The following BICD1 variants were observed in gnomAD, a reference collection of about 807,000 sequenced individuals.
The protein encoded by BICD1 is protein bicaudal D homolog 1.
A neutral mutation model predicts 92.5 loss-of-function variants in BICD1; 35 were observed. The ratio of observed to expected loss-of-function variants is 0.38; its 90% CI spans 0.29 to 0.50. The LOEUF (loss-of-function observed/expected upper bound fraction) is 0.50. Ranked by LOEUF, BICD1 falls within the 20% of genes least tolerant of loss-of-function variation. The pLI is 0.93. For synonymous variants in BICD1, 429 were observed against 465.1 expected (o/e 0.92, Z 1.00); for missense variants, 950 against 1,189.8 (o/e 0.80, Z 2.97).
rs1940120018 is a variant in BICD1 at position 32,379,765 on chromosome 12, T to G, written c.*2138T>G. 6.6e-6 allele frequency: 1 copy of G among 152,212 alleles called. No individual in the cohort carries two copies. Among genetic ancestry groups the G allele is most frequent in the South Asian group, 2.1e-4 (1 of 4,832 alleles). The allele number at this position is 152,212 out of a possible 1,614,324, so 9.4% of individuals were successfully genotyped here. ...AAACTGTTTGTGCCTGAGGGAAATA[T>G]ATGCCTTTTTAAAAAGTACCTCAGA... On this transcript the variant is annotated 3_prime_UTR_variant, in exon 10 of 10. Transcript: ENST00000652176.
chr12:32,372,048 A>G (rs1334520000), intron 9 of BICD1, among the ~76,000 whole-genome samples: 6 of 152,254 alleles, frequency 3.9e-5, no homozygotes, highest in African/African-American at 1.4e-4. Context: ...TGTGAGGAGC[A>G]AAGTCAGAGT....
chr12:32,114,017 G>T (rs1941798928), intron 1 of BICD1, among the ~76,000 whole-genome samples: 1 of 151,776 alleles, frequency 6.6e-6, no homozygotes, highest in African/African-American at 2.4e-5. Flanking sequence ...TTATAGGCGC[G>T]CGCCACCACG....
intron 1 of BICD1, among the ~76,000 whole-genome samples, chr12:32,112,380 C>A (rs1941730964): frequency 6.6e-6 from 1 of 152,178 alleles, no homozygotes; most frequent in South Asian, 2.1e-4. Flanking sequence ...AAGAATTTAT[C>A]ATCTTTTATC....
chr12:32,203,017 T>C (rs1409634706), intron 1 of BICD1, among the ~76,000 whole-genome samples: 1 of 152,084 alleles, frequency 6.6e-6, no homozygotes, highest in Non-Finnish European at 1.5e-5. Context: ...TAGTGGGACA[T>C]TATAGGATAG....
intron 2 of BICD1, among the ~76,000 whole-genome samples, chr12:32,248,641 G>T (rs1389038964): frequency 6.6e-6 from 1 of 152,198 alleles, no homozygotes; most frequent in Non-Finnish European, 1.5e-5. Flanking sequence ...TTAGAAGAGG[G>T]TGGGGAGAAC....
intron 4 of BICD1, among the ~76,000 whole-genome samples, chr12:32,310,942 G>A (rs1948357285): frequency 6.6e-6 from 1 of 152,080 alleles, no homozygotes; most frequent in East Asian, 1.9e-4. Flanking sequence ...CTCCTACAAG[G>A]CTCAATGTAT....
chr12:32,122,910 T>A (rs1054504672), intron 1 of BICD1, among the ~76,000 whole-genome samples: 2 of 152,204 alleles, frequency 1.3e-5, no homozygotes, highest in African/African-American at 2.4e-5. Context: ...AGCAGATAGG[T>A]CATTGTATAA....
chr12:32,321,136 G>A (rs1326952969), intron 4 of BICD1, among the ~76,000 whole-genome samples: 7 of 152,036 alleles, frequency 4.6e-5, no homozygotes, highest in African/African-American at 7.3e-5. Flanking sequence ...GATGAGCCTG[G>A]TCAACATGGT....
chr12:32,340,194 TA>T, intron 8 of BICD1: 1 of 985,430 alleles, frequency 1.0e-6, no homozygotes, highest in South Asian at 4.7e-5. Flanking sequence ...TGATTGGGAT[TA>T]AAAGATGTGG....
At chr12:32,346,169 C>T (rs1323846412) in intron 8 of BICD1, among the ~76,000 whole-genome samples, 3 of 150,168 alleles carry the variant, frequency 2.0e-5, no homozygotes, top group African/African-American at 7.5e-5. Context: ...TAAAAAGAAA[C>T]AAGTGAACTT....
chr12:32,302,794 C>CTAAATAATGGATATTA (rs1350690622), intron 3 of BICD1, among the ~76,000 whole-genome samples: 2 of 148,314 alleles, frequency 1.3e-5, no homozygotes, highest in African/African-American at 4.9e-5. Context: ...AGTTTTCATT[C>CTAAATAATGGATATTA]TAAATAATGG....
intron 1 of BICD1, among the ~76,000 whole-genome samples, chr12:32,205,089 GA>G (rs1477368891): frequency 6.6e-6 from 1 of 152,148 alleles, no homozygotes; most frequent in Non-Finnish European, 1.5e-5. Context: ...ATTTAAGAAT[GA>G]AATAAAACTT....
intron 1 of BICD1, among the ~76,000 whole-genome samples, chr12:32,160,421 T>G (rs192476219): frequency 6.6e-6 from 1 of 152,334 alleles, no homozygotes; most frequent in Admixed American, 6.5e-5. Context: ...TTAGAAATAT[T>G]TCCACAAATA....
chr12:32,257,855 A>G (rs887897887), intron 2 of BICD1, among the ~76,000 whole-genome samples: 1 of 152,214 alleles, frequency 6.6e-6, no homozygotes, highest in Non-Finnish European at 1.5e-5. Flanking sequence ...TTCTCAATAT[A>G]TATAATATAT....
chr12:32,346,026 G>A (rs1026073353), intron 8 of BICD1, among the ~76,000 whole-genome samples: 7 of 152,096 alleles, frequency 4.6e-5, no homozygotes, highest in African/African-American at 1.7e-4. Flanking sequence ...GCATGCGCCT[G>A]TACTCTCAGC....
At chr12:32,227,104 T>C (rs1032221662) in intron 2 of BICD1, among the ~76,000 whole-genome samples, 10 of 152,082 alleles carry the variant, frequency 6.6e-5, no homozygotes, top group African/African-American at 2.4e-4. Context: ...GCCTCCTCCA[T>C]GTAAAGCTAC....
intron 2 of BICD1, among the ~76,000 whole-genome samples, chr12:32,282,202 CTTTTTTTTTTTTTTTTTTTTTTTT>C (rs56217529): frequency 4.2e-5 from 4 of 94,236 alleles, no homozygotes; most frequent in Non-Finnish European, 7.9e-5. Flanking sequence ...AGGTCTTCTT[CTTTTTTTTTTTTTTTTTTTTTTTT>C]TTTTTTTTTT....
At chr12:32,338,267 T>C (rs899813926) in intron 7 of BICD1, 6 of 176,392 alleles carry the variant, frequency 3.4e-5, no homozygotes, top group Non-Finnish European at 7.2e-5. Context: ...TATGTTCTCT[T>C]AGGGAAACTT....
At chr12:32,246,405 A>G (rs1290379325) in intron 2 of BICD1, among the ~76,000 whole-genome samples, 1 of 152,014 alleles carries the variant, frequency 6.6e-6, no homozygotes, top group Non-Finnish European at 1.5e-5. Context: ...TGGGTGGCCA[A>G]GGTGGGAGGA....
Sources: allele counts gnomAD v4.1 joint callset (sites outside exome capture counted in the v4.1 genomes callset), GRCh38; gene constraint gnomAD v4.1.1; transcripts MANE v1.5; gene names NCBI Gene and HGNC (gene_info 2026-07-23, HGNC 2026-07-21).